CA10: variants seen among roughly 807,000 people sequenced by gnomAD.
CA10 encodes the protein carbonic anhydrase-related protein 10.
CA10 carries 14 observed loss-of-function variants against 44.2 expected under a neutral mutation model. The observed-to-expected ratio is 0.32, with a 90% CI of 0.21 to 0.50. The LOEUF (loss-of-function observed/expected upper bound fraction) is 0.50, where lower values mean the gene tolerates loss of function less well. Among genes scored for constraint, CA10 ranks in the 20% least tolerant of loss-of-function variants. The pLI, the probability that CA10 is intolerant of heterozygous loss-of-function variation, is 0.99. For synonymous variants in CA10, 159 were observed against 141.6 expected (o/e 1.12, Z -0.87); for missense variants, 350 against 409.7 (o/e 0.85, Z 1.26).
intron 4 of CA10, among the ~76,000 whole-genome samples, chr17:51,719,197 C>G (rs1349019535): frequency 6.6e-6 from 1 of 152,178 alleles, no homozygotes; most frequent in African/African-American, 2.4e-5. Flanking sequence ...CACCAGAACC[C>G]CCACATAAAT....
At chr17:52,154,276 C>T (rs948030536) in intron 1 of CA10, among the ~76,000 whole-genome samples, 1 of 152,160 alleles carries the variant, frequency 6.6e-6, no homozygotes, top group African/African-American at 2.4e-5. Flanking sequence ...AACCTCTAGT[C>T]TGAAGCTCTG....
chr17:51,916,475 T>C (rs1982001321), intron 3 of CA10, among the ~76,000 whole-genome samples: 1 of 152,162 alleles, frequency 6.6e-6, no homozygotes, highest in Non-Finnish European at 1.5e-5. Flanking sequence ...GGAATGGGTC[T>C]TTCCCATGGT....
At chr17:51,822,445 C>A (rs1366053609) in intron 3 of CA10, among the ~76,000 whole-genome samples, 1 of 149,444 alleles carries the variant, frequency 6.7e-6, no homozygotes, top group Non-Finnish European at 1.5e-5. Flanking sequence ...AAAACAAAAA[C>A]AAAAAAACAA....
At chr17:51,969,396 A>G (rs1984197431) in intron 2 of CA10, among the ~76,000 whole-genome samples, 1 of 152,080 alleles carries the variant, frequency 6.6e-6, no homozygotes, top group South Asian at 2.1e-4. Flanking sequence ...ACAGAGCTGT[A>G]ATTTCACTGT....
chr17:51,940,684 A>C lies in CA10; in HGVS notation c.137-9552T>G, dbSNP rs530600578. On this transcript the variant is annotated intron_variant, in intron 2 of 8. Coordinates refer to ENST00000451037, the MANE Select transcript of CA10 (RefSeq NM_020178.5). ...ACTAACTTGTTCAAGATAAACAAAA[A>C]AAAAAAAAACACCCTGGCAAGTGGT... 1.7e-3 allele frequency among the ~76,000 whole-genome samples: 264 copies of C among 152,032 alleles called. 1 individual carries two copies. Among genetic ancestry groups the C allele is most frequent in the East Asian group, 7.4e-3 (38 of 5,166 alleles).
chr17:51,692,085 G>T (rs1308449857), intron 4 of CA10, among the ~76,000 whole-genome samples: 1 of 35,490 alleles, frequency 2.8e-5, no homozygotes, highest in Non-Finnish European at 5.1e-5. Flanking sequence ...ACCATTCTGG[G>T]TAGTTCAGAT....
intron 4 of CA10, among the ~76,000 whole-genome samples, chr17:51,673,761 A>C (rs1021842594): frequency 6.6e-6 from 1 of 152,204 alleles, no homozygotes; most frequent in Non-Finnish European, 1.5e-5. Flanking sequence ...ACTTCCCTGC[A>C]AACGAAATCC....
chr17:51,635,783 C>A, intron 7 of CA10, 72 bp downstream of exon 7: 1 of 1,203,530 alleles, frequency 8.3e-7, no homozygotes, highest in East Asian at 2.4e-5. Flanking sequence ...TTATAATAGG[C>A]ACTCCACATT....
chr17:51,994,574 C>G (rs1985160853), intron 2 of CA10, among the ~76,000 whole-genome samples: 1 of 151,898 alleles, frequency 6.6e-6, no homozygotes, highest in Admixed American at 6.6e-5. Flanking sequence ...AGTTCAGTAT[C>G]TGGTTTCTAA....
chr17:51,849,223 ATATGTGTGTG>A (rs1275044269), intron 3 of CA10, among the ~76,000 whole-genome samples: 1,801 of 34,280 alleles, frequency 0.053, 24 homozygotes, highest in Non-Finnish European at 0.073. Context: ...ATATATACAT[ATATGTGTGTG>A]TATATATATA....
chr17:51,665,966 A>G (rs894242917), intron 4 of CA10, among the ~76,000 whole-genome samples: 28 of 152,390 alleles, frequency 1.8e-4, no homozygotes, highest in African/African-American at 6.5e-4. Context: ...AGGCTAGGCA[A>G]AGGCCATGGC....
chr17:52,069,222 C>T (rs2970042), intron 2 of CA10, among the ~76,000 whole-genome samples: 5 of 152,148 alleles, frequency 3.3e-5, no homozygotes, highest in Admixed American at 1.3e-4. Flanking sequence ...TATCTGGGTA[C>T]GTACCTAGCC....
At chr17:51,700,436 T>G (rs965924865) in intron 4 of CA10, among the ~76,000 whole-genome samples, 23 of 152,132 alleles carry the variant, frequency 1.5e-4, no homozygotes, top group Non-Finnish European at 2.4e-4. Flanking sequence ...TTCTCCCACC[T>G]CCGTTTGCTC....
At chr17:52,048,656 G>A (rs1044472978) in intron 2 of CA10, among the ~76,000 whole-genome samples, 1 of 151,998 alleles carries the variant, frequency 6.6e-6, no homozygotes, top group South Asian at 2.1e-4. Flanking sequence ...GGGTGGGGTA[G>A]AGTAGGAAAA....
chr17:51,848,865 C>T (rs1188794840), intron 3 of CA10, among the ~76,000 whole-genome samples: 1 of 151,860 alleles, frequency 6.6e-6, no homozygotes, highest in Non-Finnish European at 1.5e-5. Flanking sequence ...AGGGCAAAAT[C>T]GCGAGACCCT....
At chr17:51,777,298 G>A (rs1669474422) in intron 3 of CA10, among the ~76,000 whole-genome samples, 2 of 152,172 alleles carry the variant, frequency 1.3e-5, no homozygotes, top group Admixed American at 6.5e-5. Context: ...TGGGCCAGCT[G>A]AGAGATCAAG....
intron 2 of CA10, among the ~76,000 whole-genome samples, chr17:51,952,480 A>G (rs1210290238): frequency 6.6e-6 from 1 of 152,004 alleles, no homozygotes; most frequent in Non-Finnish European, 1.5e-5. Context: ...CCAGGAGTTC[A>G]AGCGTTCAAG....
At chr17:51,873,250 A>G (rs1979900566) in intron 3 of CA10, among the ~76,000 whole-genome samples, 1 of 152,262 alleles carries the variant, frequency 6.6e-6, no homozygotes, top group South Asian at 2.1e-4. Flanking sequence ...GTAAGTACCC[A>G]ATAAATGATG....
intron 2 of CA10, among the ~76,000 whole-genome samples, chr17:51,986,343 C>G (rs1984836337): frequency 6.6e-6 from 1 of 152,054 alleles, no homozygotes. Flanking sequence ...TCACCTTATA[C>G]AAAAATCAAC....
Sources: allele counts gnomAD v4.1 joint callset (sites outside exome capture counted in the v4.1 genomes callset), GRCh38; gene constraint gnomAD v4.1.1; transcripts MANE v1.5; gene names NCBI Gene and HGNC (gene_info 2026-07-23, HGNC 2026-07-21).